CWC22: variants seen among roughly 807,000 people sequenced by gnomAD.
CWC22 encodes pre-mRNA-splicing factor CWC22 homolog.
CWC22 carries 53 observed loss-of-function variants against 117.2 expected under a neutral mutation model. The ratio of observed to expected loss-of-function variants is 0.45; its 90% CI spans 0.36 to 0.57. The LOEUF (loss-of-function observed/expected upper bound fraction) is 0.57. Ranked by LOEUF, CWC22 falls within the 20% of genes least tolerant of loss-of-function variation. The pLI, the probability that CWC22 is intolerant of heterozygous loss-of-function variation, is 0.00. For missense variants in CWC22, 980 were observed against 1,068.8 expected (o/e 0.92, Z 1.16); for synonymous variants, 360 against 355.6 (o/e 1.01, Z -0.14).
chr2:179,974,592 T>C (rs1014911901), intron 6 of CWC22, among the ~76,000 whole-genome samples: 1 of 152,230 alleles, frequency 6.6e-6, no homozygotes, highest in Non-Finnish European at 1.5e-5. Flanking sequence ...GGATGCAGCT[T>C]ATAAATTATA....
chr2:179,970,359 C>A, intron 11 of CWC22, 142 bp downstream of exon 11: 1 of 915,474 alleles, frequency 1.1e-6, no homozygotes, highest in Non-Finnish European at 1.6e-6. Context: ...AAATAATGCC[C>A]GAGGAAACAG....
intron 6 of CWC22, among the ~76,000 whole-genome samples, chr2:179,977,086 T>C (rs1041187707): frequency 6.6e-6 from 1 of 152,090 alleles, no homozygotes; most frequent in African/African-American, 2.4e-5. Context: ...AGCCCAGCAA[T>C]TCAAGGGGGC....
At chr2:179,973,370 A>C (rs1257175470) in intron 7 of CWC22, 124 bp from the exon 8 acceptor site, 1 of 712,316 alleles carries the variant, frequency 1.4e-6, no homozygotes, top group Non-Finnish European at 2.4e-6. Context: ...TTTTTACATT[A>C]TAAGAAAGTT....
chr2:179,961,119 A>G (rs1399256250), intron 13 of CWC22, among the ~76,000 whole-genome samples: 1 of 152,032 alleles, frequency 6.6e-6, no homozygotes, highest in Non-Finnish European at 1.5e-5. Context: ...TAGTAAATAT[A>G]AAATAACTTG....
intron 12 of CWC22, 72 bp from the exon 13 acceptor site, chr2:179,964,700 G>T (rs1686845666): frequency 2.9e-6 from 2 of 691,730 alleles, no homozygotes; most frequent in South Asian, 2.0e-5. Flanking sequence ...ACTCTGTATA[G>T]CATTTTCTTC....
chr2:179,983,737 G>C (rs1242296983), intron 4 of CWC22, among the ~76,000 whole-genome samples: 2 of 152,068 alleles, frequency 1.3e-5, no homozygotes, highest in Non-Finnish European at 2.9e-5. Context: ...GTGAACAGAT[G>C]GGGGAAAGAG....
intron 1 of CWC22, among the ~76,000 whole-genome samples, chr2:179,999,442 GAT>G (rs912258482): frequency 9.2e-5 from 14 of 152,092 alleles, no homozygotes; most frequent in African/African-American, 2.9e-4. Flanking sequence ...TTAAAAAAAA[GAT>G]AGTTTTTCTC....
At chr2:179,978,164 C>A in intron 6 of CWC22, 26 bp downstream of exon 6, 1 of 1,470,702 alleles carries the variant, frequency 6.8e-7, no homozygotes, top group Non-Finnish European at 9.0e-7. Context: ...CTTAGAAATA[C>A]TACAAATAAA....
intron 19 of CWC22, 125 bp from the exon 20 acceptor site, chr2:179,945,840 G>C (rs932398261): frequency 5.0e-6 from 3 of 605,692 alleles, no homozygotes; most frequent in East Asian, 2.8e-5. Context: ...AAGCCAAATT[G>C]ATTGAATAGA....
rs1298838761 is a variant in CWC22, at chr2:179,997,735, C to G, written c.-113-4281G>C. ...AATAATACAGCACTTCTGTTATTTGCCCAGCATCTTTCTAGGCACTGGATA... is the reference window on the plus strand; with the variant it reads ...AATAATACAGCACTTCTGTTATTTGGCCAGCATCTTTCTAGGCACTGGATA... On this transcript the variant is annotated intron_variant, in intron 1 of 19. Coordinates refer to ENST00000410053, the MANE Select transcript of CWC22 (RefSeq NM_020943.3). Among the ~76,000 whole-genome samples, 11 of 152,102 alleles carry G rather than the reference C, an allele frequency of 7.2e-5. No homozygotes were observed. The East Asian group carries it at 2.1e-3, about 29-fold the overall frequency.
At chr2:179,946,468 G>T (rs201941240) in intron 19 of CWC22, among the ~76,000 whole-genome samples, 3 of 127,456 alleles carry the variant, frequency 2.4e-5, no homozygotes, top group Non-Finnish European at 3.2e-5. Context: ...AAAAAAAGGG[G>T]GGGGGGGAAG....
intron 7 of CWC22, among the ~76,000 whole-genome samples, 169 bp downstream of exon 7, chr2:179,973,465 A>C (rs1031826944): frequency 2.0e-5 from 3 of 152,206 alleles, no homozygotes; most frequent in Admixed American, 1.3e-4. Flanking sequence ...GTGGCTCATC[A>C]ATAGTGGCCA....
At chr2:179,954,722 C>T (rs539116515) in intron 15 of CWC22, among the ~76,000 whole-genome samples, 1 of 152,032 alleles carries the variant, frequency 6.6e-6, no homozygotes, top group African/African-American at 2.4e-5. Context: ...GAAATCATTA[C>T]AAATCATGGA....
chr2:179,980,041 G>A (rs1687248189), intron 5 of CWC22, among the ~76,000 whole-genome samples: 1 of 152,172 alleles, frequency 6.6e-6, no homozygotes, highest in Non-Finnish European at 1.5e-5. Flanking sequence ...TAAATTGCAT[G>A]TATTGCTGAC....
intron 6 of CWC22, among the ~76,000 whole-genome samples, chr2:179,976,570 CAAAT>C (rs1687156684): frequency 6.6e-6 from 1 of 150,482 alleles, no homozygotes; most frequent in South Asian, 2.1e-4. Flanking sequence ...AGTAAGAAAA[CAAAT>C]AACCCAATCT....
At chr2:179,973,161 A>C in intron 8 of CWC22, 32 bp downstream of exon 8, 1 of 1,519,800 alleles carries the variant, frequency 6.6e-7, no homozygotes, top group South Asian at 1.2e-5. Context: ...AATGCCACTG[A>C]ATGGGACCAA....
chr2:179,974,132 A>G (rs1038137974), intron 6 of CWC22, among the ~76,000 whole-genome samples: 7 of 152,196 alleles, frequency 4.6e-5, no homozygotes, highest in African/African-American at 1.2e-4. Context: ...TTTCTTTAAC[A>G]TTTTTTAAAA....
Position 179,981,743 on chromosome 2 carries a change from T to A in CWC22, c.452+9A>T, listed in dbSNP as rs369002291. ...TCATGGCTTTGTATACTGATTGATA[T>A]AAACATGCCTGTTTTTATCTGTAAT... On this transcript the variant is annotated intron_variant, in intron 5 of 19. Coordinates refer to ENST00000410053, the MANE Select transcript of CWC22 (RefSeq NM_020943.3). The A allele has an allele frequency of 5.6e-6, 9 of 1,604,748 alleles. No homozygotes were observed. The highest frequency in any genetic ancestry group is 1.7e-4 in the Middle Eastern group (1 of 6,044).
intron 1 of CWC22, among the ~76,000 whole-genome samples, chr2:180,004,753 C>G (rs1186394393): frequency 1.4e-5 from 2 of 147,258 alleles, no homozygotes; most frequent in Non-Finnish European, 3.0e-5. Flanking sequence ...GCTAACAGAG[C>G]TAAGAAAGCT....
Sources: allele counts gnomAD v4.1 joint callset (sites outside exome capture counted in the v4.1 genomes callset), GRCh38; gene constraint gnomAD v4.1.1; transcripts MANE v1.5; gene names NCBI Gene and HGNC (gene_info 2026-07-23, HGNC 2026-07-21).